Variants in CAMK2B observed in about 807,000 individuals in gnomAD.
CAMK2B encodes calcium/calmodulin dependent protein kinase II beta, also known as calcium/calmodulin-dependent protein kinase type II subunit beta.
Under a neutral mutation model 93.7 loss-of-function variants are expected in CAMK2B, and 27 were observed. The ratio of observed to expected loss-of-function variants is 0.29; its 90% CI spans 0.21 to 0.40. CAMK2B has a LOEUF of 0.40. CAMK2B is among the 10% of genes least tolerant of loss of function. CAMK2B has a pLI of 1.00. For missense variants in CAMK2B, 568 were observed against 895.8 expected (o/e 0.63, Z 4.67); for synonymous variants, 374 against 358.8 (o/e 1.04, Z -0.48).
chr7:44,262,780 C>T (rs1255194205), intron 3 of CAMK2B, among the ~76,000 whole-genome samples: 1 of 152,182 alleles, frequency 6.6e-6, no homozygotes, highest in Non-Finnish European at 1.5e-5. Context: ...CACCTTGGGG[C>T]TGCCCCGGCT....
At chr7:44,240,807 T>C (rs1232555665) in intron 11 of CAMK2B, 58 bp from the exon 12 acceptor site, 16 of 1,575,414 alleles carry the variant, frequency 1.0e-5, no homozygotes, top group Non-Finnish European at 1.4e-5. Context: ...TGCTGGCTTC[T>C]GGCCAGGATA....
intron 4 of CAMK2B, 107 bp downstream of exon 4, chr7:44,258,765 C>G: frequency 9.9e-7 from 1 of 1,006,016 alleles, no homozygotes; most frequent in Non-Finnish European, 1.5e-6. Flanking sequence ...AAGGGAGTGG[C>G]CAGCCCACGG....
intron 1 of CAMK2B, among the ~76,000 whole-genome samples, chr7:44,303,961 G>C (rs576260927): frequency 9.9e-5 from 15 of 152,236 alleles, no homozygotes; most frequent in African/African-American, 3.1e-4. Context: ...CACCGAAGAA[G>C]ATATATGGAT....
rs73099838 is a variant in CAMK2B, at chr7:44,318,144, C to G, written c.65+7213G>C. Among the ~76,000 whole-genome samples the G allele has an allele frequency of 6.3e-3, 952 of 152,302 alleles. 8 individuals carry two copies. Among genetic ancestry groups the G allele is most frequent in the Non-Finnish European group, 9.6e-3 (650 of 68,018 alleles). On this transcript the variant is annotated intron_variant, in intron 1 of 23. Transcript: ENST00000395749. ...TAATGGCCTGGATCAAACTCACAGA[C>G]GCTGAGAATCAGGCAGCACCTCAAC...
At position 44,324,006 on chromosome 7, in the gene CAMK2B, C is replaced by T. The variant is rs148381683; in HGVS notation, c.65+1351G>A. On this transcript the variant is annotated intron_variant, in intron 1 of 23. Transcript: ENST00000395749. ...TCCACCCAAGGAAGGGTCCCCCAGC[C>T]AGCCTGGCCCCCCACCCCACCCATC... is the stretch of plus-strand genomic sequence containing the variant. The T allele has an allele frequency of 2.1e-3, 317 of 154,096 alleles. 1 individual carries two copies. The highest frequency in any genetic ancestry group is 1.4e-3 in the Non-Finnish European group (94 of 68,934). The allele number at this position is 154,096 out of a possible 1,614,324, so 9.5% of individuals were successfully genotyped here.
chr7:44,273,055 C>A (rs763580660), intron 2 of CAMK2B, among the ~76,000 whole-genome samples: 2 of 152,356 alleles, frequency 1.3e-5, no homozygotes, highest in Middle Eastern at 6.8e-3. Context: ...TGTCCCCCAC[C>A]GGACTCTGCT....
chr7:44,307,169 A>AGGGG (rs1792056641), intron 1 of CAMK2B, among the ~76,000 whole-genome samples: 2 of 121,934 alleles, frequency 1.6e-5, no homozygotes, highest in Non-Finnish European at 1.7e-5. Context: ...GGGTGTGAGC[A>AGGGG]GAGGGAGGAG....
intron 1 of CAMK2B, among the ~76,000 whole-genome samples, chr7:44,304,114 G>A (rs1790811517): frequency 6.6e-6 from 1 of 152,174 alleles, no homozygotes; most frequent in Admixed American, 6.5e-5. Flanking sequence ...TAAGAATGTG[G>A]AGCAACAGGA....
intron 1 of CAMK2B, among the ~76,000 whole-genome samples, chr7:44,321,122 T>TA (rs779284800): frequency 1.9e-4 from 29 of 152,054 alleles, no homozygotes; most frequent in Admixed American, 7.2e-4. Context: ...AGAAAGCAAA[T>TA]ACGATGATCC....
chr7:44,287,331 G>A (rs557848466), intron 1 of CAMK2B, among the ~76,000 whole-genome samples: 11 of 152,054 alleles, frequency 7.2e-5, no homozygotes, highest in East Asian at 3.9e-4. Context: ...TTATTTGCCC[G>A]CTTTACCCAC....
Position 44,316,575 on chromosome 7 carries a change from C to T in CAMK2B, c.65+8782G>A, listed in dbSNP as rs533663888. Among the ~76,000 whole-genome samples, 9 of 152,198 alleles carry T rather than the reference C, an allele frequency of 5.9e-5. No individual in the cohort carries two copies. The South Asian group carries it at 1.7e-3, about 28-fold the overall frequency. The stretch of plus-strand genomic sequence containing the variant: ...CCTCCTCTTCTACTTTTTGGGGGAG[C>T]TTGTAAAAGACTGGTATTAATTCTT... On this transcript the variant is annotated intron_variant, in intron 1 of 23. Coordinates refer to ENST00000395749, the MANE Select transcript of CAMK2B (RefSeq NM_001220.5).
rs137886526 is a variant in CAMK2B, at chr7:44,247,165, G to A, written c.369C>T (p.Ala123=). ...CCCCCATTTGGTGACAATGGAGAAC[G>A]GCCTCCAGGATCTGCTGGATACAGT... ...ASHCIQQILE[A]VLHCHQMGVV... Residue 123 remains alanine (A), a synonymous_variant, in exon 6 of 24, where the codon GCC becomes GCT. Transcript: ENST00000395749. 5.0e-6 allele frequency: 8 copies of A among 1,613,998 alleles called. No individual in the cohort carries two copies. The highest frequency in any genetic ancestry group is 4.5e-5 in the East Asian group (2 of 44,886).
chr7:44,265,419 C>A (rs1249990067), intron 2 of CAMK2B, among the ~76,000 whole-genome samples: 1 of 152,250 alleles, frequency 6.6e-6, no homozygotes, highest in Non-Finnish European at 1.5e-5. Flanking sequence ...AAGCCCAGGA[C>A]CACACATCGC....
intron 1 of CAMK2B, among the ~76,000 whole-genome samples, chr7:44,307,030 G>A (rs1414775539): frequency 2.2e-5 from 3 of 134,538 alleles, no homozygotes; most frequent in Admixed American, 7.3e-5. Flanking sequence ...GAGGGTGTGA[G>A]CAGGGAGAGG....
chr7:44,291,801 C>T (rs1786916028), intron 1 of CAMK2B, among the ~76,000 whole-genome samples: 1 of 152,222 alleles, frequency 6.6e-6, no homozygotes, highest in Admixed American at 6.5e-5. Flanking sequence ...ATTGCGTTCA[C>T]TTCCAAAAGC....
intron 1 of CAMK2B, among the ~76,000 whole-genome samples, chr7:44,310,806 G>A (rs953191080): frequency 6.6e-6 from 1 of 152,074 alleles, no homozygotes; most frequent in Non-Finnish European, 1.5e-5. Context: ...ATGGGGAGTC[G>A]GTATTTAATG....
At chr7:44,232,454 G>T (rs2096588314) in intron 16 of CAMK2B, among the ~76,000 whole-genome samples, 1 of 152,164 alleles carries the variant, frequency 6.6e-6, no homozygotes, top group Admixed American at 6.5e-5. Context: ...GCCACGTGAG[G>T]GAGGTGGGGT....
chr7:44,250,264 G>A (rs74907537), intron 5 of CAMK2B, among the ~76,000 whole-genome samples: 12,542 of 152,276 alleles, frequency 0.082, 677 homozygotes, highest in Non-Finnish European at 0.11. Context: ...CGGCCTTGGA[G>A]GATGTGAGAC....
intron 2 of CAMK2B, among the ~76,000 whole-genome samples, chr7:44,278,355 G>C (rs915002020): frequency 3.3e-5 from 5 of 152,198 alleles, no homozygotes; most frequent in African/African-American, 1.2e-4. Flanking sequence ...TACAGCTGGG[G>C]AAACTGAGGT....
Sources: gnomAD v4.1 joint callset for allele counts (sites outside exome capture counted in the v4.1 genomes callset) on GRCh38, gnomAD v4.1.1 for gene constraint, MANE v1.5 for transcripts, NCBI Gene and HGNC (gene_info 2026-07-23, HGNC 2026-07-21) for gene names.